Variants in TRMT44 observed in about 807,000 individuals in gnomAD.
TRMT44 encodes the protein probable tRNA (uracil-O(2)-)-methyltransferase.
TRMT44 carries 78 observed loss-of-function variants against 77.3 expected under a neutral mutation model. That is an observed-to-expected ratio of 1.01 (90% CI 0.84 to 1.22). The LOEUF (loss-of-function observed/expected upper bound fraction) is 1.22, where lower values mean the gene tolerates loss of function less well. TRMT44 is among the 50% of genes most tolerant of loss of function. The pLI, the probability that TRMT44 is intolerant of heterozygous loss-of-function variation, is 0.00. For missense variants in TRMT44, 1,090 were observed against 964.4 expected (o/e 1.13, Z -1.73); for synonymous variants, 391 against 383.3 (o/e 1.02, Z -0.23).
the TRMT44 span, among the ~76,000 whole-genome samples, chr4:8,502,989 C>T: frequency 3.3e-5 from 5 of 152,336 alleles, no homozygotes; most frequent in African/African-American, 4.8e-5. Context: ...TGAATACCAT[C>T]GGGATGAGGT....
At chr4:8,459,971 A>T (rs920303315) in intron 6 of TRMT44, among the ~76,000 whole-genome samples, 1 of 152,146 alleles carries the variant, frequency 6.6e-6, no homozygotes, top group Non-Finnish European at 1.5e-5. Flanking sequence ...TGGGCTACAG[A>T]CATCAAGACA....
At chr4:8,463,025 CAG>C (rs1323973485) in intron 6 of TRMT44, among the ~76,000 whole-genome samples, 3 of 152,132 alleles carry the variant, frequency 2.0e-5, no homozygotes, top group Non-Finnish European at 2.9e-5. Flanking sequence ...CAGAGAGAGA[CAG>C]AATTTCAGTT....
chr4:8,461,480 T>C lies in TRMT44; in HGVS notation c.1204-2505T>C, dbSNP rs776567964. On this transcript the variant is annotated intron_variant, in intron 6 of 10. Transcript: ENST00000389737. The surrounding 1 kb of genome is among the most constrained non-coding windows in gnomAD (Gnocchi z 4.6). ...AATTCAAGCAGCAGTGAGTAGGCCA[T>C]CTGTGTAAGCCCAGACCCTAGGGAA... 2.0e-5 allele frequency among the ~76,000 whole-genome samples: 3 copies of C among 152,152 alleles called. No homozygotes were observed. Among genetic ancestry groups the C allele is most frequent in the Non-Finnish European group, 4.4e-5 (3 of 68,026 alleles).
rs569493068 is a variant in TRMT44, at chr4:8,483,422, G to GT, written n.3891+3889_3891+3890insT. Among the ~76,000 whole-genome samples, 1,179 of 152,048 alleles carry GT rather than the reference G, an allele frequency of 7.8e-3. 9 individuals carry two copies. Among genetic ancestry groups the GT allele is most frequent in the Non-Finnish European group, 0.011 (776 of 67,968 alleles). On this transcript the variant is annotated intron_variant and non_coding_transcript_variant, in intron 2 of 2. Coordinates refer to the TRMT44 transcript ENST00000511366. Reference sequence around the variant, plus strand: ...GTAGGGTTGACAAGTTTTTTTGGGGGGGGGCACGGTCTAAGTTGGTCTGGT... The same window carrying GT: ...GTAGGGTTGACAAGTTTTTTTGGGGGTGGGGCACGGTCTAAGTTGGTCTGGT...
intron 6 of TRMT44, among the ~76,000 whole-genome samples, chr4:8,462,093 T>G (rs1273735747): frequency 3.3e-5 from 5 of 152,196 alleles, no homozygotes; most frequent in Admixed American, 6.5e-5. Flanking sequence ...ATATTGGAAT[T>G]TGCTGTGTTC....
chr4:8,471,716 C>T (rs1297470818), intron 10 of TRMT44, among the ~76,000 whole-genome samples: 1 of 152,238 alleles, frequency 6.6e-6, no homozygotes, highest in East Asian at 1.9e-4. Context: ...CCCCTGCTCC[C>T]CAACGCCCTG....
At chr4:8,512,888 T>C in the TRMT44 span, among the ~76,000 whole-genome samples, 1 of 152,354 alleles carries the variant, frequency 6.6e-6, no homozygotes, top group East Asian at 1.9e-4. Context: ...TTTTGTTTCT[T>C]AAATAAATCT....
intron 8 of TRMT44, among the ~76,000 whole-genome samples, chr4:8,467,416 T>G (rs78445491): frequency 0.031 from 4,688 of 152,312 alleles, 84 homozygotes; most frequent in African/African-American, 0.043. Context: ...AACCATGGGC[T>G]CTTACTGTTT....
At chr4:8,482,761 T>G (rs1727663650) in intron 2 of TRMT44, among the ~76,000 whole-genome samples, 1 of 152,204 alleles carries the variant, frequency 6.6e-6, no homozygotes, top group African/African-American at 2.4e-5. Flanking sequence ...TTTGTGATTC[T>G]TCAGTTACTT....
rs141371666 is a variant in TRMT44, at chr4:8,463,990, T to C, written c.1209T>C (p.Asp403=). The change falls in exon 7 of 11, where the codon GAT becomes GAC. Residue 403 remains aspartate (D), a synonymous_variant. Coordinates refer to ENST00000389737, the MANE Select transcript of TRMT44 (RefSeq NM_152544.3). ...MYGPQTQLEE[D]AITPNDKTLF... is the part of the protein sequence containing the mutation. ...TTGTTTTGTTATTCCTTTAGGAAGATGCAATCACACCCAATGATAAGACCC... is the reference window on the plus strand; with the variant it reads ...TTGTTTTGTTATTCCTTTAGGAAGACGCAATCACACCCAATGATAAGACCC... The C allele has an allele frequency of 8.7e-6, 14 of 1,613,414 alleles. No individual in the cohort carries two copies. Among genetic ancestry groups the C allele is most frequent in the Non-Finnish European group, 1.2e-5 (14 of 1,179,598 alleles).
chr4:8,471,243 C>A, intron 10 of TRMT44, 43 bp downstream of exon 10: 1 of 1,318,356 alleles, frequency 7.6e-7, no homozygotes, highest in Non-Finnish European at 1.1e-6. Context: ...CCTTCTTTTT[C>A]CCCCTTTTTT....
intron 8 of TRMT44, 137 bp downstream of exon 8, chr4:8,465,698 CT>C: frequency 1.3e-6 from 1 of 779,948 alleles, no homozygotes; most frequent in Non-Finnish European, 2.0e-6. Context: ...TTCTGTGCCT[CT>C]GTCACTGATG....
chr4:8,507,964 C>T, the TRMT44 span, among the ~76,000 whole-genome samples: 4 of 152,232 alleles, frequency 2.6e-5, no homozygotes, highest in South Asian at 2.1e-4. Context: ...TGGAGCGTGA[C>T]GGTGCAATCT....
intron 6 of TRMT44, 119 bp downstream of exon 6, chr4:8,454,932 C>T (rs967627735): frequency 1.1e-6 from 1 of 888,256 alleles, no homozygotes; most frequent in South Asian, 1.5e-5. Context: ...TAAACCTTCA[C>T]ATTAATCTAA....
chr4:8,466,226 G>A (rs556722277), intron 8 of TRMT44, among the ~76,000 whole-genome samples: 17 of 152,362 alleles, frequency 1.1e-4, no homozygotes, highest in East Asian at 7.7e-4. Context: ...TAACCCCGTC[G>A]TGTCCAGGCC....
At chr4:8,488,993 C>T (rs1397943678) in intron 2 of TRMT44, among the ~76,000 whole-genome samples, 1 of 152,156 alleles carries the variant, frequency 6.6e-6, no homozygotes, top group Non-Finnish European at 1.5e-5. Context: ...ACTGTGTTAC[C>T]TGGCAACGCA....
chr4:8,472,032 T>C (rs1727039074), intron 10 of TRMT44, among the ~76,000 whole-genome samples: 1 of 151,366 alleles, frequency 6.6e-6, no homozygotes, highest in African/African-American at 2.4e-5. Context: ...TTTTCCTCTT[T>C]CTGTAAGTAT....
At chr4:8,513,742 C>A in the TRMT44 span, among the ~76,000 whole-genome samples, 2 of 152,170 alleles carry the variant, frequency 1.3e-5, no homozygotes, top group African/African-American at 2.4e-5. Flanking sequence ...AGACACATCA[C>A]AAAAGAGCAT....
chr4:8,459,560 G>A (rs1391412246), intron 6 of TRMT44, among the ~76,000 whole-genome samples: 2 of 152,184 alleles, frequency 1.3e-5, no homozygotes, highest in Non-Finnish European at 2.9e-5. Context: ...AAATCTTTGT[G>A]TGTAAATCAT....
Sources: gnomAD v4.1 joint callset for allele counts (sites outside exome capture counted in the v4.1 genomes callset) on GRCh38, gnomAD v4.1.1 for gene constraint, Gnocchi (gnomAD v3.1) non-coding constraint, MANE v1.5 for transcripts, NCBI Gene and HGNC (gene_info 2026-07-23, HGNC 2026-07-21) for gene names.